Variants in CLASP1 observed in about 807,000 individuals in gnomAD.
The protein encoded by CLASP1 is cytoplasmic linker associated protein 1.
CLASP1 carries 38 observed loss-of-function variants against 192.3 expected under a neutral mutation model. That is an observed-to-expected ratio of 0.20 (90% CI 0.15 to 0.26). The LOEUF is 0.26. CLASP1 is among the 10% of genes least tolerant of loss of function. The pLI is 1.00. For missense variants in CLASP1, 1,433 were observed against 1,932.5 expected, an observed-to-expected ratio of 0.74 and a Z score of 4.85; for synonymous variants, 691 against 712.8, an observed-to-expected ratio of 0.97 and a Z score of 0.49.
chr2:121,452,608 T>C (rs561722542), intron 14 of CLASP1, among the ~76,000 whole-genome samples: 4 of 151,992 alleles, frequency 2.6e-5, no homozygotes, highest in Non-Finnish European at 4.4e-5. Flanking sequence ...CTGGCTAACA[T>C]GGTGAAACCC....
chr2:121,447,681 T>C (rs1464797187), intron 18 of CLASP1, among the ~76,000 whole-genome samples, 174 bp from the exon 19 acceptor site: 9 of 152,190 alleles, frequency 5.9e-5, no homozygotes, highest in African/African-American at 1.9e-4. Context: ...GTTCAGGCAA[T>C]GCCGAAGGAA....
chr2:121,492,589 A>C (rs993558320), intron 8 of CLASP1, among the ~76,000 whole-genome samples: 6 of 151,954 alleles, frequency 3.9e-5, no homozygotes, highest in African/African-American at 1.4e-4. Context: ...ATATGTTCAA[A>C]CATATTAGTC....
rs550213747 is a variant in CLASP1 at position 121,459,843 on chromosome 2, G to A, written c.1178+137C>T. 1.1e-5 allele frequency: 7 copies of A among 645,678 alleles called. No individual in the cohort carries two copies. In the South Asian group the frequency reaches 2.9e-4, roughly 27 times the overall value. The allele number at this position is 645,678 out of a possible 1,614,324, so 40.0% of individuals were successfully genotyped here. The stretch of plus-strand genomic sequence containing the variant: ...AAGTATTGTAAAACTACTGAAAGAA[G>A]TGTTAACTGGAATGGGTCTTGGAGA... On this transcript the variant is annotated intron_variant, in intron 12 of 39. Transcript: ENST00000263710.
intron 22 of CLASP1, among the ~76,000 whole-genome samples, chr2:121,422,985 C>T (rs568229733): frequency 6.6e-6 from 1 of 151,984 alleles, no homozygotes; most frequent in South Asian, 2.1e-4. Flanking sequence ...TGTTAAGAAA[C>T]ACAGGCATAT....
chr2:121,343,614 T>G (rs1195352108), intron 39 of CLASP1, among the ~76,000 whole-genome samples: 1 of 152,128 alleles, frequency 6.6e-6, no homozygotes, highest in Admixed American at 6.5e-5. Context: ...CCTGGGGTAG[T>G]CAAATTCATG....
intron 6 of CLASP1, among the ~76,000 whole-genome samples, chr2:121,525,555 G>A (rs1190545252): frequency 1.3e-5 from 2 of 152,078 alleles, no homozygotes. Flanking sequence ...ATCTTATCTT[G>A]GAGGCTGGTC....
intron 8 of CLASP1, among the ~76,000 whole-genome samples, chr2:121,482,061 C>T (rs537035887): frequency 6.6e-6 from 1 of 152,280 alleles, no homozygotes; most frequent in East Asian, 1.9e-4. Context: ...ACCCGTACTA[C>T]GTGGGTCCAT....
chr2:121,438,031 T>C (rs2149703861), intron 19 of CLASP1, among the ~76,000 whole-genome samples: 1 of 152,368 alleles, frequency 6.6e-6, no homozygotes, highest in Admixed American at 6.5e-5. Context: ...GATCCTTAAG[T>C]CCTTAAGGGT....
rs80342250 is a variant in CLASP1, at chr2:121,529,242, A to G, written c.275-462T>C. Reference sequence around the variant, plus strand: ...TCACGCCCATACACACATGAGACAGAGCCCAGCTCTCCATCTTCCCCGACA... The same window carrying G: ...TCACGCCCATACACACATGAGACAGGGCCCAGCTCTCCATCTTCCCCGACA... On this transcript the variant is annotated intron_variant, in intron 3 of 39. Coordinates refer to ENST00000263710, the Ensembl canonical transcript of CLASP1. 6.3e-3 allele frequency among the ~76,000 whole-genome samples: 964 copies of G among 152,314 alleles called. 12 individuals are homozygous for G. Among genetic ancestry groups the G allele is most frequent in the African/African-American group, 0.022 (920 of 41,562 alleles).
chr2:121,550,062 G>A (rs1315917796), intron 2 of CLASP1, among the ~76,000 whole-genome samples: 2 of 147,348 alleles, frequency 1.4e-5, no homozygotes, highest in East Asian at 2.0e-4. Context: ...TTGGACCACA[G>A]CACATTAAAA....
chr2:121,623,698 A>AATCTCTTT (rs1203139085), intron 1 of CLASP1, among the ~76,000 whole-genome samples: 19 of 152,236 alleles, frequency 1.2e-4, no homozygotes, highest in African/African-American at 4.6e-4. Context: ...TTGCTAATTC[A>AATCTCTTT]ATCTCTTTAC....
At chr2:121,533,216 G>C (rs2094944762) in intron 2 of CLASP1, among the ~76,000 whole-genome samples, 1 of 152,174 alleles carries the variant, frequency 6.6e-6, no homozygotes, top group Non-Finnish European at 1.5e-5. Context: ...AGATGCACCT[G>C]AGCCCCAGAG....
chr2:121,425,067 A>G, intron 22 of CLASP1, 72 bp downstream of exon 22: 1 of 1,403,534 alleles, frequency 7.1e-7, no homozygotes, highest in Non-Finnish European at 9.8e-7. Context: ...TACATTAGAC[A>G]TAGTCATTAG....
intron 2 of CLASP1, among the ~76,000 whole-genome samples, chr2:121,598,748 A>C (rs1246905741): frequency 6.6e-6 from 1 of 152,246 alleles, no homozygotes; most frequent in African/African-American, 2.4e-5. Flanking sequence ...CCTGAAACTA[A>C]GTAAGGAATA....
At chr2:121,444,868 G>C in intron 19 of CLASP1, 1 of 1,031,090 alleles carries the variant, frequency 9.7e-7, no homozygotes, top group Non-Finnish European at 1.4e-6. Context: ...GTGGGTACTG[G>C]GCAACACTCG....
chr2:121,634,414 C>T (rs78892106), intron 1 of CLASP1, among the ~76,000 whole-genome samples: 2,203 of 152,208 alleles, frequency 0.014, 52 homozygotes, highest in African/African-American at 0.049. Flanking sequence ...CTTATTAATG[C>T]CTTGTGTACA....
intron 8 of CLASP1, among the ~76,000 whole-genome samples, chr2:121,499,871 AG>A (rs1443192090): frequency 3.3e-5 from 5 of 152,172 alleles, no homozygotes; most frequent in African/African-American, 9.7e-5. Flanking sequence ...ATTTTGATAA[AG>A]AACATCTACA....
At chr2:121,517,009 G>C (rs1347372858) in intron 6 of CLASP1, among the ~76,000 whole-genome samples, 1 of 152,134 alleles carries the variant, frequency 6.6e-6, no homozygotes, top group Non-Finnish European at 1.5e-5. Flanking sequence ...GGGCAACAGA[G>C]CAAGACTCTG....
chr2:121,433,311 C>A (rs2081768984), intron 19 of CLASP1, among the ~76,000 whole-genome samples: 1 of 149,942 alleles, frequency 6.7e-6, no homozygotes, highest in South Asian at 2.1e-4. Flanking sequence ...AAGAGCAAAA[C>A]CCTGTCTAAA....
Sources: allele counts gnomAD v4.1 joint callset (sites outside exome capture counted in the v4.1 genomes callset), GRCh38; gene constraint gnomAD v4.1.1; transcripts MANE v1.5; gene names NCBI Gene and HGNC (gene_info 2026-07-23, HGNC 2026-07-21).